ITK: variants seen among roughly 807,000 people sequenced by gnomAD.
ITK encodes tyrosine-protein kinase ITK/TSK.
A neutral mutation model predicts 87.6 loss-of-function variants in ITK; 45 were observed. The ratio of observed to expected loss-of-function variants is 0.51; its 90% CI spans 0.40 to 0.66. The LOEUF (loss-of-function observed/expected upper bound fraction) is 0.66, where lower values mean the gene tolerates loss of function less well. Among genes scored for constraint, ITK ranks in the 30% least tolerant of loss-of-function variants. The pLI, the probability that ITK is intolerant of heterozygous loss-of-function variation, is 0.00. For missense variants in ITK, 605 were observed against 766.3 expected (o/e 0.79, Z 2.48); for synonymous variants, 303 against 273.6 (o/e 1.11, Z -1.06).
intron 1 of ITK, among the ~76,000 whole-genome samples, chr5:157,182,224 A>G (rs903596104): frequency 6.6e-6 from 1 of 152,168 alleles, no homozygotes; most frequent in Non-Finnish European, 1.5e-5. Context: ...TAGGTGCCTG[A>G]TGGTCACTTA....
Position 157,241,642 on chromosome 5 carries a change from C to G in ITK, c.986-4C>G. ...ACTGCTTCTTGGCTTTTCAATCAAC[C>G]CAGGCCTGGTGACTCGACTCCGGTA... On this transcript the variant is annotated splice_region_variant and splice_polypyrimidine_tract_variant and intron_variant, in intron 10 of 16. Transcript: ENST00000422843. 6.2e-7 allele frequency: 1 copy of G among 1,612,826 alleles called. No individual in the cohort carries two copies. Among genetic ancestry groups the G allele is most frequent in the Non-Finnish European group, 8.5e-7 (1 of 1,179,042 alleles).
Position 157,254,249 on chromosome 5 carries a change from T to A in ITK, c.*1571T>A, listed in dbSNP as rs535805422. The A allele has an allele frequency of 9.6e-4, 221 of 229,586 alleles. No individual in the cohort carries two copies. The highest frequency in any genetic ancestry group is 4.7e-3 in the African/African-American group (213 of 45,264). 14.2% of individuals were successfully genotyped at this position (229,586 alleles called of 1,614,324 possible). On this transcript the variant is annotated 3_prime_UTR_variant, in exon 17 of 17. Transcript: ENST00000422843. ...GTGGTTGATGGCATGGCCCTCCAAC[T>A]TGGAATAGGATTTTCCTTTTCCTAT...
At chr5:157,201,075 A>AT (rs1554100496) in intron 1 of ITK, among the ~76,000 whole-genome samples, 9 of 151,572 alleles carry the variant, frequency 5.9e-5, no homozygotes, top group Middle Eastern at 3.4e-3. Context: ...TTAAGATAAT[A>AT]TACAATATTA....
Position 157,244,485 on chromosome 5 carries a change from G to C in ITK, c.1449+7G>C, listed in dbSNP as rs779098639. ...TGTCATCCACAGAGACTTGGTATGA[G>C]CATGCAGGGTGAACACCCACAGGTC... On this transcript the variant is annotated splice_region_variant and intron_variant, in intron 13 of 16. Coordinates refer to ENST00000422843, the MANE Select transcript of ITK (RefSeq NM_005546.4). The C allele has an allele frequency of 1.3e-6, 2 of 1,547,914 alleles. No individual in the cohort carries two copies. The highest frequency in any genetic ancestry group is 8.9e-7 in the Non-Finnish European group (1 of 1,119,534).
chr5:157,223,130 G>C, intron 6 of ITK, 116 bp downstream of exon 6: 1 of 1,259,244 alleles, frequency 7.9e-7, no homozygotes, highest in East Asian at 2.3e-5. Flanking sequence ...GGTGGGAGAA[G>C]AGAGCAGAGG....
chr5:157,243,847 G>T (rs1473751303), intron 12 of ITK, 53 bp downstream of exon 12: 2 of 1,564,780 alleles, frequency 1.3e-6, no homozygotes, highest in East Asian at 2.2e-5. Context: ...CATCGGTTCA[G>T]TGTTCTTGAA....
At chr5:157,196,932 G>T (rs559117807) in intron 1 of ITK, among the ~76,000 whole-genome samples, 1 of 152,314 alleles carries the variant, frequency 6.6e-6, no homozygotes, top group South Asian at 2.1e-4. Context: ...CAATACAGAG[G>T]ATGCCTTGAG....
At chr5:157,219,423 T>C (rs965393666) in intron 5 of ITK, among the ~76,000 whole-genome samples, 3 of 152,166 alleles carry the variant, frequency 2.0e-5, no homozygotes, top group African/African-American at 7.2e-5. Flanking sequence ...AATACCCACA[T>C]TTGAGTACTC....
chr5:157,253,990 T>C lies in ITK; in HGVS notation c.*1312T>C, dbSNP rs1311928762. On this transcript the variant is annotated 3_prime_UTR_variant, in exon 17 of 17. Transcript: ENST00000422843. ...ATTCCCATTTTACAAATAATGTAACTGAGGCTTTAAAAAGCCAAGACATCT... is the reference window on the plus strand; with the variant it reads ...ATTCCCATTTTACAAATAATGTAACCGAGGCTTTAAAAAGCCAAGACATCT... 3 of 224,372 alleles carry C rather than the reference T, an allele frequency of 1.3e-5. No homozygotes were observed. In the East Asian group the frequency reaches 1.9e-4, roughly 14 times the overall value. The allele number at this position is 224,372 out of a possible 1,614,324, so 13.9% of individuals were successfully genotyped here. A position where few individuals can be genotyped will look rare whatever the true frequency, so the allele number is the denominator to read the frequency against.
chr5:157,189,635 C>T (rs1033039015), intron 1 of ITK, among the ~76,000 whole-genome samples: 1 of 152,052 alleles, frequency 6.6e-6, no homozygotes, highest in Non-Finnish European at 1.5e-5. Context: ...AGGCTGAGAT[C>T]GCACCACTGC....
chr5:157,214,954 T>G (rs1360105338), intron 4 of ITK, among the ~76,000 whole-genome samples: 1 of 152,096 alleles, frequency 6.6e-6, no homozygotes, highest in Non-Finnish European at 1.5e-5. Flanking sequence ...AAAAAAGCTG[T>G]TTTTTTGCCT....
chr5:157,228,487 C>T, intron 7 of ITK, 126 bp downstream of exon 7: 1 of 689,258 alleles, frequency 1.5e-6, no homozygotes, highest in South Asian at 1.6e-5. Context: ...TTCACACATA[C>T]CATCCAGCTC....
At chr5:157,243,992 C>A in intron 12 of ITK, 198 bp downstream of exon 12, 1 of 677,034 alleles carries the variant, frequency 1.5e-6, no homozygotes. Context: ...GCCCACCTCC[C>A]CCTTCTCAGC....
At chr5:157,211,458 G>A in intron 3 of ITK, 90 bp downstream of exon 3, 1 of 1,061,420 alleles carries the variant, frequency 9.4e-7, no homozygotes, top group South Asian at 1.3e-5. Flanking sequence ...TGGTGTGAGA[G>A]CAGCTGATGG....
At position 157,248,923 on chromosome 5, in the gene ITK, A is replaced by G. The variant is rs771105065; in HGVS notation, c.1707A>G (p.Glu569=). The G allele has an allele frequency of 6.2e-7, 1 of 1,613,974 alleles. No individual in the cohort carries two copies. Among genetic ancestry groups the G allele is most frequent in the Non-Finnish European group, 8.5e-7 (1 of 1,179,850 alleles). Residue 569 remains glutamate (E), a synonymous_variant, in exon 16 of 17, where the codon GAA becomes GAG. Transcript: ENST00000422843. The part of the protein sequence containing the change: ...YENRSNSEVV[E]DISTGFRLYK... ...ACCGAAGCAACTCAGAGGTGGTGGA[A>G]GACATCAGTACCGGATTTCGGTTGT...
intron 1 of ITK, among the ~76,000 whole-genome samples, chr5:157,206,863 T>G (rs984691956): frequency 3.9e-5 from 6 of 152,156 alleles, no homozygotes; most frequent in African/African-American, 1.2e-4. Flanking sequence ...TTTTGAATAA[T>G]TTTTTGTGTC....
chr5:157,193,440 C>T (rs2436384), intron 1 of ITK, among the ~76,000 whole-genome samples: 83,877 of 152,022 alleles, frequency 0.55, 24,015 homozygotes, highest in African/African-American at 0.71. Context: ...GTAACCAATA[C>T]AAAATCTGAA....
chr5:157,232,573 C>T (rs898004175), intron 8 of ITK, among the ~76,000 whole-genome samples, 179 bp downstream of exon 8: 1 of 133,754 alleles, frequency 7.5e-6, no homozygotes, highest in Non-Finnish European at 1.6e-5. Context: ...GATCAAGACC[C>T]TGTCAAAAGA....
intron 7 of ITK, among the ~76,000 whole-genome samples, chr5:157,230,611 T>C (rs1042631109): frequency 2.0e-5 from 3 of 152,170 alleles, no homozygotes; most frequent in Non-Finnish European, 4.4e-5. Context: ...ATAAAACATA[T>C]AGGGTATATG....
Sources: allele counts gnomAD v4.1 joint callset (sites outside exome capture counted in the v4.1 genomes callset), GRCh38; gene constraint gnomAD v4.1.1; transcripts MANE v1.5; gene names NCBI Gene and HGNC (gene_info 2026-07-23, HGNC 2026-07-21).